GTF2A1: variants seen among roughly 807,000 people sequenced by gnomAD.
GTF2A1 encodes general transcription factor IIA subunit 1.
A neutral mutation model predicts 54.1 loss-of-function variants in GTF2A1; 12 were observed. That is an observed-to-expected ratio of 0.22 (90% CI 0.14 to 0.36). The LOEUF (loss-of-function observed/expected upper bound fraction) is 0.36. Among genes scored for constraint, GTF2A1 ranks in the 10% least tolerant of loss-of-function variants. The pLI, the probability that GTF2A1 is intolerant of heterozygous loss-of-function variation, is 1.00. For synonymous variants in GTF2A1, 145 were observed against 152.0 expected (o/e 0.95, Z 0.34); for missense variants, 335 against 442.2 (o/e 0.76, Z 2.17).
intron 3 of GTF2A1, 40 bp from the exon 4 acceptor site, chr14:81,201,698 A>C (rs748104708): frequency 7.2e-7 from 1 of 1,384,528 alleles, no homozygotes; most frequent in Non-Finnish European, 1.0e-6. Flanking sequence ...AGGAACCATG[A>C]GGCTATTTTA....
At chr14:81,216,682 C>T (rs1893496294) in intron 1 of GTF2A1, among the ~76,000 whole-genome samples, 168 bp from the exon 2 acceptor site, 1 of 152,214 alleles carries the variant, frequency 6.6e-6, no homozygotes, top group African/African-American at 2.4e-5. Flanking sequence ...TGACTGCACA[C>T]TTTAATAAAA....
In GTF2A1 at chr14:81,216,297, G is replaced by C. The variant is rs576593868; in HGVS notation, c.132+116C>G. ...ATGGCAGAGTTGGGATTTAAAACCA[G>C]CACACTTCACTCAACTATACGTTCA... On this transcript the variant is annotated intron_variant, in intron 2 of 8. Coordinates refer to ENST00000553612, the MANE Select transcript of GTF2A1 (RefSeq NM_015859.4). The C allele has an allele frequency of 7.9e-5, 47 of 594,964 alleles. No homozygotes were observed. The East Asian group carries it at 1.2e-3, about 15-fold the overall frequency. 36.9% of individuals were successfully genotyped at this position (594,964 alleles called of 1,614,324 possible).
At chr14:81,206,383 CTT>C (rs1893231072) in intron 2 of GTF2A1, among the ~76,000 whole-genome samples, 1 of 152,172 alleles carries the variant, frequency 6.6e-6, no homozygotes, top group Admixed American at 6.5e-5. Context: ...TGACTCAACT[CTT>C]GAGTTTCCTG....
intron 7 of GTF2A1, among the ~76,000 whole-genome samples, chr14:81,187,745 G>C (rs1168343466): frequency 2.0e-5 from 3 of 152,160 alleles, no homozygotes; most frequent in Admixed American, 2.0e-4. Flanking sequence ...GAACATTTGG[G>C]TTTATACCAC....
chr14:81,199,674 A>T (rs530712109), intron 4 of GTF2A1, among the ~76,000 whole-genome samples: 41 of 152,326 alleles, frequency 2.7e-4, no homozygotes, highest in Non-Finnish European at 4.3e-4. Flanking sequence ...AGAAATGTTA[A>T]ATCAATTTTC....
intron 3 of GTF2A1, 86 bp downstream of exon 3, chr14:81,203,814 A>C: frequency 8.4e-7 from 1 of 1,185,868 alleles, no homozygotes; most frequent in Non-Finnish European, 1.3e-6. Flanking sequence ...AAAAGACAAG[A>C]TCCAAAAAAT....
Position 81,192,533 on chromosome 14 carries a change from C to T in GTF2A1, c.919G>A (p.Gly307Arg). ...TAGAAACTTACTTCTTCCACCTGCCCATCTTCAGCTCCATCTTTCTCTTTG... is the reference window on the plus strand; with the variant it reads ...TAGAAACTTACTTCTTCCACCTGCCTATCTTCAGCTCCATCTTTCTCTTTG... ...EDKEKDGAED[G>R]QVEEEPLNSE... Residue 307 changes from glycine to arginine, a missense_variant, in exon 7 of 9, where the codon GGG (glycine) becomes AGG (arginine). Coordinates refer to ENST00000553612, the MANE Select transcript of GTF2A1 (RefSeq NM_015859.4). The T allele has an allele frequency of 3.7e-6, 6 of 1,606,376 alleles. No homozygotes were observed. The highest frequency in any genetic ancestry group is 4.3e-6 in the Non-Finnish European group (5 of 1,176,230).
intron 2 of GTF2A1, among the ~76,000 whole-genome samples, chr14:81,205,477 CA>C (rs1275109427): frequency 6.6e-6 from 1 of 152,210 alleles, no homozygotes; most frequent in Admixed American, 6.5e-5. Flanking sequence ...AGATCTATCT[CA>C]CTGGTTGTTG....
intron 4 of GTF2A1, among the ~76,000 whole-genome samples, chr14:81,200,851 C>CTA (rs2140160697): frequency 6.9e-6 from 1 of 144,868 alleles, no homozygotes; most frequent in East Asian, 2.1e-4. Context: ...AAGTATTGAA[C>CTA]TACTCTAATC....
chr14:81,188,490 G>A (rs1289898710), intron 7 of GTF2A1, among the ~76,000 whole-genome samples: 3 of 152,176 alleles, frequency 2.0e-5, no homozygotes, highest in East Asian at 3.8e-4. Flanking sequence ...TGTTGCAAGC[G>A]GCTGGGCACA....
chr14:81,183,392 T>C (rs954170163), intron 8 of GTF2A1, among the ~76,000 whole-genome samples: 1 of 152,182 alleles, frequency 6.6e-6, no homozygotes, highest in African/African-American at 2.4e-5. Flanking sequence ...AAATAAGAGA[T>C]TCTATAGACA....
Position 81,177,138 on chromosome 14 carries a change from T to C in GTF2A1, c.*3085A>G, listed in dbSNP as rs1595201388. On this transcript the variant is annotated 3_prime_UTR_variant, in exon 9 of 9. Transcript: ENST00000553612. The stretch of plus-strand genomic sequence containing the variant: ...TGTTATTTCCTAAAACCAGAATCTA[T>C]TATGCTCATTAAGCACACATTTTAA... 1.3e-5 allele frequency: 2 copies of C among 152,090 alleles called. No homozygotes were observed. Among genetic ancestry groups the C allele is most frequent in the East Asian group, 1.9e-4 (1 of 5,202 alleles). 9.4% of individuals were successfully genotyped at this position (152,090 alleles called of 1,614,324 possible). A position where few individuals can be genotyped will look rare whatever the true frequency, so the allele number is the denominator to read the frequency against.
intron 7 of GTF2A1, among the ~76,000 whole-genome samples, chr14:81,190,572 G>T (rs937329030): frequency 1.3e-5 from 2 of 151,906 alleles, no homozygotes; most frequent in African/African-American, 2.4e-5. Flanking sequence ...TGCAGAAAAG[G>T]TGTTTAATTA....
intron 2 of GTF2A1, among the ~76,000 whole-genome samples, chr14:81,215,811 G>A (rs1480881699): frequency 2.0e-5 from 3 of 152,114 alleles, no homozygotes; most frequent in Non-Finnish European, 4.4e-5. Context: ...CGAGGCGGGA[G>A]GATCACTTGC....
At position 81,204,225 on chromosome 14, in the gene GTF2A1, TACA is replaced by T. The variant is rs1893180199; in HGVS notation, c.133-124_133-122del. The T allele has an allele frequency of 4.5e-5, 36 of 807,180 alleles. No homozygotes were observed. The South Asian group carries it at 4.8e-4, about 11-fold the overall frequency. The allele number at this position is 807,180 out of a possible 1,614,324, so 50.0% of individuals were successfully genotyped here. On this transcript the variant is annotated intron_variant, in intron 2 of 8. Coordinates refer to ENST00000553612, the MANE Select transcript of GTF2A1 (RefSeq NM_015859.4). ...TTAAAAACTGATACAGACACAGAAA[TACA>T]ACAAATCTGTAATTCTAACCCAAGT...
At chr14:81,186,589 G>GT (rs1184299356) in intron 7 of GTF2A1, among the ~76,000 whole-genome samples, 1 of 152,176 alleles carries the variant, frequency 6.6e-6, no homozygotes, top group Non-Finnish European at 1.5e-5. Context: ...GATAGAAGAT[G>GT]TAACTGAGAT....
At chr14:81,206,168 TG>T (rs1893225745) in intron 2 of GTF2A1, among the ~76,000 whole-genome samples, 1 of 152,230 alleles carries the variant, frequency 6.6e-6, no homozygotes, top group Non-Finnish European at 1.5e-5. Context: ...CCTATGATAA[TG>T]GTAAACATTA....
At chr14:81,205,434 T>C (rs1347609650) in intron 2 of GTF2A1, among the ~76,000 whole-genome samples, 1 of 152,248 alleles carries the variant, frequency 6.6e-6, no homozygotes, top group Non-Finnish European at 1.5e-5. Flanking sequence ...TATTTAGACT[T>C]ACCTGAAGTC....
rs1288392188 is a variant in GTF2A1, at chr14:81,220,932, A to G, written c.-414T>C. On this transcript the variant is annotated 5_prime_UTR_variant, in exon 1 of 9. Coordinates refer to ENST00000553612, the MANE Select transcript of GTF2A1 (RefSeq NM_015859.4). ...GAGCCAACAAGCTGCGCGAGCCACC[A>G]CCGCCGCCGCCGCCGCCGCCGAGAG... The G allele has an allele frequency of 4.3e-5, 7 of 164,320 alleles. No homozygotes were observed. The highest frequency in any genetic ancestry group is 1.3e-4 in the Admixed American group (2 of 15,352). 10.2% of individuals were successfully genotyped at this position (164,320 alleles called of 1,614,324 possible).
Sources: gnomAD v4.1 joint callset for allele counts (sites outside exome capture counted in the v4.1 genomes callset) on GRCh38, gnomAD v4.1.1 for gene constraint, MANE v1.5 for transcripts, NCBI Gene and HGNC (gene_info 2026-07-23, HGNC 2026-07-21) for gene names.